Variants in TNN observed in about 807,000 individuals in gnomAD.
The protein encoded by TNN is tenascin-N.
In TNN, 122 loss-of-function variants were observed where a neutral mutation model predicts 134.4. That is an observed-to-expected ratio of 0.91 (90% confidence interval 0.78 to 1.06). The LOEUF (loss-of-function observed/expected upper bound fraction) is 1.06. Among genes scored for constraint, TNN ranks in the 50% least tolerant of loss-of-function variants. The probability of loss-of-function intolerance (pLI) is 0.00; values close to 1 mark genes in which losing one functional copy is unlikely to be tolerated. For synonymous variants in TNN, 710 were observed against 670.3 expected, an observed-to-expected ratio of 1.06 and a Z score of -0.91; for missense variants, 1,739 against 1,699.4, an observed-to-expected ratio of 1.02 and a Z score of -0.41.
chr1:175,142,848 C>A (rs983035164), intron 17 of TNN, among the ~76,000 whole-genome samples: 4 of 152,126 alleles, frequency 2.6e-5, no homozygotes, highest in African/African-American at 9.7e-5. Context: ...GAACTCCTGA[C>A]CTCATGATCT....
At chr1:175,116,261 G>A (rs1251105400) in intron 9 of TNN, among the ~76,000 whole-genome samples, 1 of 151,876 alleles carries the variant, frequency 6.6e-6, no homozygotes, top group Non-Finnish European at 1.5e-5. Flanking sequence ...AGGTAGGTTT[G>A]CCCTTAATTA....
Position 175,099,586 on chromosome 1 carries a change from C to CTCAGGAGGAGGAGAGGTGAGGGG in TNN, c.2119+1047_2119+1069dup, listed in dbSNP as rs60813168. On this transcript the variant is annotated intron_variant, in intron 9 of 18. Coordinates refer to ENST00000239462, the MANE Select transcript of TNN (RefSeq NM_022093.2). Reference sequence around the variant, plus strand: ...GGTCCTGGAAGAGGAGAGATGAGGGCTCAGGAGGAGGAGAGGTGAGGGGTC... The same window carrying CTCAGGAGGAGGAGAGGTGAGGGG: ...GGTCCTGGAAGAGGAGAGATGAGGGCTCAGGAGGAGGAGAGGTGAGGGGTCAGGAGGAGGAGAGGTGAGGGGTC... Among the ~76,000 whole-genome samples the CTCAGGAGGAGGAGAGGTGAGGGG allele has an allele frequency of 1.8e-3, 155 of 86,846 alleles. 1 individual carries two copies. Among genetic ancestry groups the CTCAGGAGGAGGAGAGGTGAGGGG allele is most frequent in the African/African-American group, 6.7e-3 (145 of 21,774 alleles). The allele number at this position is 86,846 out of a possible 152,430, so 57.0% of individuals were successfully genotyped here.
intron 1 of TNN, among the ~76,000 whole-genome samples, chr1:175,075,420 C>G (rs909228594): frequency 1.3e-5 from 2 of 152,220 alleles, no homozygotes; most frequent in South Asian, 4.2e-4. Flanking sequence ...TCTCAGCCTC[C>G]CAAGAAGCTG....
At chr1:175,107,430 T>C (rs1399223040) in intron 9 of TNN, among the ~76,000 whole-genome samples, 7 of 144,044 alleles carry the variant, frequency 4.9e-5, no homozygotes, top group East Asian at 4.7e-4. Flanking sequence ...CAGACCTTCG[T>C]GGTGAGTGTT....
chr1:175,091,384 A>T (rs549279857), intron 6 of TNN, among the ~76,000 whole-genome samples: 1 of 152,280 alleles, frequency 6.6e-6, no homozygotes, highest in African/African-American at 2.4e-5. Context: ...AATATGATTC[A>T]GTTTTACCTT....
chr1:175,091,280 G>A (rs1674438891), intron 6 of TNN, among the ~76,000 whole-genome samples: 2 of 152,222 alleles, frequency 1.3e-5, no homozygotes, highest in South Asian at 4.1e-4. Flanking sequence ...AAGGCAGGGG[G>A]CCAAGAGCTG....
At chr1:175,112,753 G>A (rs1322719589) in intron 9 of TNN, among the ~76,000 whole-genome samples, 2 of 151,534 alleles carry the variant, frequency 1.3e-5, no homozygotes, top group African/African-American at 2.4e-5. Context: ...AAGTAGCTGG[G>A]ACTATAGGCA....
chr1:175,123,660 A>G lies in TNN; in HGVS notation c.2911A>G (p.Thr971Ala), dbSNP rs1279453955. 1 of 1,614,184 alleles carries G rather than the reference A, an allele frequency of 6.2e-7. No homozygotes were observed. Among genetic ancestry groups the G allele is most frequent in the Non-Finnish European group, 8.5e-7 (1 of 1,180,022 alleles). Residue 971 changes from threonine to alanine, a missense_variant, in exon 12 of 19, where the codon ACA becomes GCA. Coordinates refer to ENST00000239462, the MANE Select transcript of TNN (RefSeq NM_022093.2). ...CAAGAAGGCTGACACCAAGGCCCAG[A>G]CAGGTACTGAGAGGGACCAGGCCAG... ...ESKKADTKAQTELDPPRNLRP... is the reference protein window; with the variant it reads ...ESKKADTKAQAELDPPRNLRP...
intron 9 of TNN, among the ~76,000 whole-genome samples, chr1:175,108,698 C>T (rs892230575): frequency 2.4e-4 from 36 of 152,320 alleles, no homozygotes; most frequent in Admixed American, 6.5e-4. Flanking sequence ...GCTGCTGGCC[C>T]GGGTGCTAAG....
chr1:175,135,196 T>C (rs901163150), intron 15 of TNN, among the ~76,000 whole-genome samples: 1 of 152,234 alleles, frequency 6.6e-6, no homozygotes, highest in Admixed American at 6.5e-5. Flanking sequence ...ATAGCCCTTA[T>C]CACAGTTTTA....
At chr1:175,145,539 C>G (rs1894708) in intron 18 of TNN, among the ~76,000 whole-genome samples, 1 of 121,766 alleles carries the variant, frequency 8.2e-6, no homozygotes, top group Admixed American at 9.1e-5. Context: ...GGTGGCAGAG[C>G]AAGACCCTGT....
At position 175,117,004 on chromosome 1, in the gene TNN, G is replaced by T. The variant is rs1465031523; in HGVS notation, c.2185G>T (p.Asp729Tyr). The T allele has an allele frequency of 2.5e-6, 4 of 1,614,214 alleles. No individual in the cohort carries two copies. The highest frequency in any genetic ancestry group is 1.7e-5 in the Admixed American group (1 of 60,028). Residue 729 changes from aspartate (D) to tyrosine (Y), a missense_variant, in exon 10 of 19, where the codon GAC becomes TAC. Asp to Tyr is a radical substitution (Grantham distance 160). Transcript: ENST00000239462. ...AGAGAATATGGCCACTGTCTCCTGG[G>T]ACCCGGTGCGGGCCACCATTGACAG... ...VTENMATVSW[D>Y]PVRATIDRYV...
At chr1:175,078,195 A>G (rs1197322507) in intron 2 of TNN, among the ~76,000 whole-genome samples, 2 of 152,146 alleles carry the variant, frequency 1.3e-5, no homozygotes, top group African/African-American at 2.4e-5. Flanking sequence ...GACAGGTTAC[A>G]AATCCCAGTT....
intron 9 of TNN, among the ~76,000 whole-genome samples, chr1:175,114,351 C>CTACAG (rs1675110385): frequency 6.6e-6 from 1 of 152,226 alleles, no homozygotes; most frequent in East Asian, 1.9e-4. Context: ...GTGGCCTAGA[C>CTACAG]TACAGAAGTT....
At chr1:175,139,095 G>A (rs564919304) in intron 17 of TNN, among the ~76,000 whole-genome samples, 2 of 152,308 alleles carry the variant, frequency 1.3e-5, no homozygotes, top group African/African-American at 2.4e-5. Context: ...AGTGGTGAGC[G>A]AATGTGAAGG....
intron 9 of TNN, among the ~76,000 whole-genome samples, chr1:175,108,646 C>T (rs961843928): frequency 1.3e-4 from 20 of 152,240 alleles, no homozygotes; most frequent in East Asian, 1.9e-4. Context: ...AGCGTAGCGC[C>T]GGTGGGCTGG....
At chr1:175,126,381 T>C (rs1675529509) in intron 12 of TNN, among the ~76,000 whole-genome samples, 1 of 152,230 alleles carries the variant, frequency 6.6e-6, no homozygotes, top group African/African-American at 2.4e-5. Context: ...ATTACAGGCA[T>C]GAGCCACCGT....
chr1:175,134,361 A>G (rs1003748582), intron 15 of TNN, among the ~76,000 whole-genome samples: 5 of 152,120 alleles, frequency 3.3e-5, no homozygotes, highest in Non-Finnish European at 7.4e-5. Context: ...TCTGGCCAAT[A>G]TGGTGAAACC....
At chr1:175,071,422 C>G (rs891151963) in intron 1 of TNN, among the ~76,000 whole-genome samples, 1 of 152,180 alleles carries the variant, frequency 6.6e-6, no homozygotes, top group African/African-American at 2.4e-5. Flanking sequence ...ACAGAAGTAT[C>G]TGTGCACTTT....
Sources: allele counts gnomAD v4.1 joint callset (sites outside exome capture counted in the v4.1 genomes callset), GRCh38; gene constraint gnomAD v4.1.1; transcripts MANE v1.5; gene names NCBI Gene and HGNC (gene_info 2026-07-23, HGNC 2026-07-21).